Variants in OSTC observed in about 807,000 individuals in gnomAD.
The protein encoded by OSTC is oligosaccharyltransferase complex non-catalytic subunit, also known as oligosaccharyltransferase complex subunit OSTC.
In OSTC, 16 loss-of-function variants were observed where a neutral mutation model predicts 16.4. The ratio of observed to expected loss-of-function variants is 0.98; its 90% CI spans 0.66 to 1.49. The LOEUF (loss-of-function observed/expected upper bound fraction) is 1.49. Ranked by LOEUF, OSTC falls within the 40% of genes most tolerant of loss-of-function variation. OSTC has a pLI of 0.00. For missense variants in OSTC, 139 were observed against 186.3 expected, an observed-to-expected ratio of 0.75 and a Z score of 1.48; for synonymous variants, 67 against 68.5, an observed-to-expected ratio of 0.98 and a Z score of 0.11.
chr4:108,656,824 G>T (rs1024345567), intron 2 of OSTC, among the ~76,000 whole-genome samples: 1 of 152,160 alleles, frequency 6.6e-6, no homozygotes, highest in Non-Finnish European at 1.5e-5. Flanking sequence ...CCTAGACCGG[G>T]CGCAGTGGCT....
intron 3 of OSTC, among the ~76,000 whole-genome samples, chr4:108,658,425 T>TTG (rs77284877): frequency 1.3e-3 from 194 of 150,012 alleles, no homozygotes; most frequent in Admixed American, 3.6e-3. Flanking sequence ...ATTTATATAT[T>TTG]TGTGTGTGTG....
intron 1 of OSTC, among the ~76,000 whole-genome samples, chr4:108,654,002 C>G (rs561587800): frequency 4.9e-4 from 74 of 152,160 alleles, no homozygotes; most frequent in African/African-American, 1.8e-3. Context: ...ACATTTAGTT[C>G]TTTTATAAAA....
chr4:108,660,351 T>C (rs1254862176), intron 3 of OSTC, among the ~76,000 whole-genome samples: 1 of 152,222 alleles, frequency 6.6e-6, no homozygotes, highest in Non-Finnish European at 1.5e-5. Flanking sequence ...CAGCTCCTAA[T>C]GCCTGGTACC....
At position 108,650,712 on chromosome 4, in the gene OSTC, G is replaced by A. The variant is rs764533334; in HGVS notation, c.57G>A (p.Leu19=). Residue 19 remains leucine (L), a synonymous_variant, in exon 1 of 4, where the codon CTG becomes CTA. Coordinates refer to ENST00000361564, the MANE Select transcript of OSTC (RefSeq NM_021227.4). The part of the protein sequence containing the change: ...FLVLECPNLK[L]KKPPWLHMPS... ...TGCTCGAATGTCCCAACCTGAAGCTGAAGAAGCCGCCCTGGTTGCACATGC... is the reference window on the plus strand; with the variant it reads ...TGCTCGAATGTCCCAACCTGAAGCTAAAGAAGCCGCCCTGGTTGCACATGC... 5 of 1,614,108 alleles carry A rather than the reference G, an allele frequency of 3.1e-6. No homozygotes were observed. The highest frequency in any genetic ancestry group is 1.3e-5 in the African/African-American group (1 of 74,948).
intron 3 of OSTC, among the ~76,000 whole-genome samples, chr4:108,661,085 G>T (rs1163912940): frequency 6.6e-6 from 1 of 151,886 alleles, no homozygotes; most frequent in Non-Finnish European, 1.5e-5. Context: ...GGGCGTGGTA[G>T]TGCACGCCTG....
intron 3 of OSTC, among the ~76,000 whole-genome samples, chr4:108,658,410 A>G (rs1300584714): frequency 7.7e-6 from 1 of 129,526 alleles, no homozygotes; most frequent in Non-Finnish European, 1.6e-5. Flanking sequence ...AGATAGGAAA[A>G]GGATATTTAT....
intron 1 of OSTC, among the ~76,000 whole-genome samples, chr4:108,654,775 A>G (rs1726657373): frequency 4.6e-5 from 7 of 152,250 alleles, no homozygotes; most frequent in Admixed American, 4.6e-4. Context: ...ACATTATGAC[A>G]TAATGGTGGA....
chr4:108,662,353 A>C (rs950300521), intron 3 of OSTC, among the ~76,000 whole-genome samples: 2 of 152,204 alleles, frequency 1.3e-5, no homozygotes, highest in Non-Finnish European at 2.9e-5. Context: ...TTTTCGACAG[A>C]CCCTCTTTCT....
At chr4:108,663,624 G>A (rs1436975442) in intron 3 of OSTC, among the ~76,000 whole-genome samples, 1 of 152,096 alleles carries the variant, frequency 6.6e-6, no homozygotes, top group Non-Finnish European at 1.5e-5. Flanking sequence ...GTTCTTTTCT[G>A]GCCTTGTGAT....
intron 3 of OSTC, among the ~76,000 whole-genome samples, chr4:108,662,400 A>G (rs1249966113): frequency 6.6e-6 from 1 of 152,218 alleles, no homozygotes; most frequent in African/African-American, 2.4e-5. Context: ...GTTAACACTC[A>G]TATTTGTATG....
intron 3 of OSTC, among the ~76,000 whole-genome samples, chr4:108,664,862 G>GATTACA (rs1726954793): frequency 6.6e-6 from 1 of 152,156 alleles, no homozygotes; most frequent in African/African-American, 2.4e-5. Flanking sequence ...AAAGTGCTGG[G>GATTACA]ATTACAGGCG....
intron 3 of OSTC, among the ~76,000 whole-genome samples, chr4:108,658,142 G>C (rs1259755956): frequency 2.6e-5 from 4 of 151,864 alleles, no homozygotes; most frequent in African/African-American, 9.7e-5. Flanking sequence ...ATGTTGACCA[G>C]GCTGATCTTG....
At chr4:108,653,201 G>A (rs28693967) in intron 1 of OSTC, among the ~76,000 whole-genome samples, 28,027 of 152,040 alleles carry the variant, frequency 0.18, 4,021 homozygotes, top group African/African-American at 0.37. Context: ...CTCCAGCCAG[G>A]GTGACAGAGC....
intron 3 of OSTC, among the ~76,000 whole-genome samples, chr4:108,661,870 A>T (rs1442757151): frequency 6.6e-6 from 1 of 152,200 alleles, no homozygotes; most frequent in Non-Finnish European, 1.5e-5. Context: ...AAGTGCTGGG[A>T]TTACAGGCGT....
chr4:108,664,595 A>ATT (rs1212882686), intron 3 of OSTC, among the ~76,000 whole-genome samples: 1 of 144,256 alleles, frequency 6.9e-6, no homozygotes. Flanking sequence ...TTAATTTTTA[A>ATT]TTTTTTTTTT....
chr4:108,663,207 C>G (rs1314170339), intron 3 of OSTC: 1 of 455,862 alleles, frequency 2.2e-6, no homozygotes. Context: ...TAAACCATTA[C>G]TGTTTTTGTT....
chr4:108,650,940 C>T (rs1726519423), intron 1 of OSTC, 146 bp downstream of exon 1: 2 of 1,206,198 alleles, frequency 1.7e-6, no homozygotes, highest in East Asian at 2.5e-5. Context: ...GTTCTGGGGT[C>T]CGAAGTGTTA....
At chr4:108,652,864 C>T (rs1726592770) in intron 1 of OSTC, among the ~76,000 whole-genome samples, 2 of 152,202 alleles carry the variant, frequency 1.3e-5, no homozygotes, top group South Asian at 4.1e-4. Context: ...ATGGCGAAAC[C>T]CTGTCTCTAC....
intron 3 of OSTC, among the ~76,000 whole-genome samples, chr4:108,658,211 C>T (rs1165543586): frequency 6.6e-6 from 1 of 152,034 alleles, no homozygotes; most frequent in African/African-American, 2.4e-5. Context: ...GGATTATAGG[C>T]ATGAGCTACG....
Sources: gnomAD v4.1 joint callset for allele counts (sites outside exome capture counted in the v4.1 genomes callset) on GRCh38, gnomAD v4.1.1 for gene constraint, MANE v1.5 for transcripts, NCBI Gene and HGNC (gene_info 2026-07-23, HGNC 2026-07-21) for gene names.